Variants in GPATCH8 observed in about 807,000 individuals in gnomAD.
The protein encoded by GPATCH8 is G-patch domain containing 8.
Under a neutral mutation model 118.3 loss-of-function variants are expected in GPATCH8, and 18 were observed. The observed-to-expected ratio is 0.15, with a 90% confidence interval of 0.11 to 0.23. The LOEUF (loss-of-function observed/expected upper bound fraction) is 0.23, where lower values mean the gene tolerates loss of function less well. Among genes scored for constraint, GPATCH8 ranks in the 10% least tolerant of loss-of-function variants. GPATCH8 has a pLI of 1.00. For missense variants in GPATCH8, 1,631 were observed against 1,873.8 expected, an observed-to-expected ratio of 0.87 and a Z score of 2.39; for synonymous variants, 659 against 684.7, an observed-to-expected ratio of 0.96 and a Z score of 0.59.
chr17:44,466,987 C>A (rs948915442), intron 2 of GPATCH8: 8 of 364,732 alleles, frequency 2.2e-5, no homozygotes, highest in African/African-American at 1.4e-4. Context: ...GGAGATGAGA[C>A]ATTATGCTGA....
chr17:44,436,956 AT>A (rs1394982712), intron 3 of GPATCH8, among the ~76,000 whole-genome samples: 2 of 152,124 alleles, frequency 1.3e-5, no homozygotes, highest in Non-Finnish European at 2.9e-5. Flanking sequence ...AAAAAAAAAA[AT>A]CTCAACTGGC....
At chr17:44,410,853 T>C (rs78537589) in intron 6 of GPATCH8, among the ~76,000 whole-genome samples, 1,609 of 152,260 alleles carry the variant, frequency 0.011, 34 homozygotes, top group African/African-American at 0.037. Context: ...TAACAAATGA[T>C]CCAGTACTTG....
At position 44,401,437 on chromosome 17, in the gene GPATCH8, G is replaced by T; in HGVS notation, c.640C>A (p.Pro214Thr). Residue 214 changes from proline to threonine, a missense_variant, in exon 8 of 8, where the codon CCC (proline) becomes ACC (threonine). By Grantham distance (38) the Pro-to-Thr change is conservative. Transcript: ENST00000591680. ...GCCACTGTGGTTGGTTTGAACATGG[G>T]ACCACTTCCAGGTGCACTACATGAT... ...KQAECAPGSG[P>T]MFKPTTVAVD... 1.2e-6 allele frequency: 2 copies of T among 1,607,844 alleles called. No homozygotes were observed. The highest frequency in any genetic ancestry group is 2.2e-5 in the South Asian group (2 of 90,940).
At chr17:44,488,694 T>C (rs1020456541) in intron 1 of GPATCH8, among the ~76,000 whole-genome samples, 18 of 151,958 alleles carry the variant, frequency 1.2e-4, no homozygotes, top group African/African-American at 4.3e-4. Flanking sequence ...TTATAGTTAG[T>C]GTATGGATAC....
chr17:44,476,804 C>T (rs1055604605), intron 1 of GPATCH8, among the ~76,000 whole-genome samples: 1 of 152,132 alleles, frequency 6.6e-6, no homozygotes, highest in African/African-American at 2.4e-5. Context: ...GTCACTGCAA[C>T]TAAAATAAGT....
At chr17:44,436,616 T>G in intron 3 of GPATCH8, 71 bp from the exon 4 acceptor site, 1 of 819,780 alleles carries the variant, frequency 1.2e-6, no homozygotes, top group South Asian at 1.3e-5. Flanking sequence ...CATTGGGTTT[T>G]GGGTGGTTAG....
At chr17:44,487,428 A>G (rs1370638879) in intron 1 of GPATCH8, among the ~76,000 whole-genome samples, 1 of 152,194 alleles carries the variant, frequency 6.6e-6, no homozygotes, top group Admixed American at 6.5e-5. Context: ...ACTGCTGCCA[A>G]GTTTTGGCAA....
intron 5 of GPATCH8, among the ~76,000 whole-genome samples, chr17:44,432,628 GGT>G (rs2050360381): frequency 6.6e-6 from 1 of 152,118 alleles, no homozygotes; most frequent in East Asian, 1.9e-4. Context: ...TGCTGTGAGA[GGT>G]AAACATGAGT....
At position 44,397,114 on chromosome 17, in the gene GPATCH8, C is replaced by T. The variant is rs1598392471; in HGVS notation, c.*454G>A. 1 of 455,552 alleles carries T rather than the reference C, an allele frequency of 2.2e-6. No homozygotes were observed. Among genetic ancestry groups the T allele is most frequent in the Middle Eastern group, 6.9e-4 (1 of 1,450 alleles). 28.2% of individuals were successfully genotyped at this position (455,552 alleles called of 1,614,324 possible). ...GGTGGCACTTCCACCACTAGAACAGCTTGGCCTTCCCTGTGGCGCTGAGAA... is the reference window on the plus strand; with the variant it reads ...GGTGGCACTTCCACCACTAGAACAGTTTGGCCTTCCCTGTGGCGCTGAGAA... On this transcript the variant is annotated 3_prime_UTR_variant, in exon 8 of 8. Transcript: ENST00000591680.
At chr17:44,464,979 T>C (rs1416523481) in intron 2 of GPATCH8, 1 of 173,750 alleles carries the variant, frequency 5.8e-6, no homozygotes, top group East Asian at 1.6e-4. Flanking sequence ...AGTTGTTTTG[T>C]TTATGTGTCA....
intron 6 of GPATCH8, among the ~76,000 whole-genome samples, chr17:44,413,925 G>GAATA (rs1013766948): frequency 6.6e-6 from 1 of 151,874 alleles, no homozygotes; most frequent in African/African-American, 2.4e-5. Context: ...CGGCCAGGCC[G>GAATA]AATAGTCCAA....
At chr17:44,412,961 G>A (rs2049503392) in intron 6 of GPATCH8, among the ~76,000 whole-genome samples, 1 of 152,112 alleles carries the variant, frequency 6.6e-6, no homozygotes, top group Admixed American at 6.5e-5. Context: ...CTCAGTGTTT[G>A]ATGTTCATGG....
chr17:44,420,173 C>A (rs1449827126), intron 6 of GPATCH8, among the ~76,000 whole-genome samples: 1 of 152,006 alleles, frequency 6.6e-6, no homozygotes, highest in East Asian at 1.9e-4. Flanking sequence ...AGTGAACAGG[C>A]AGTCCATGAG....
At chr17:44,429,281 A>G (rs2050205040) in intron 5 of GPATCH8, among the ~76,000 whole-genome samples, 1 of 152,154 alleles carries the variant, frequency 6.6e-6, no homozygotes, top group Non-Finnish European at 1.5e-5. Flanking sequence ...TGTTTAAAAG[A>G]CCCTTCCATG....
chr17:44,404,229 CCAGGCTCAAGTGATTCTTCTACCT>C (rs1161887918), intron 7 of GPATCH8, among the ~76,000 whole-genome samples: 1 of 151,972 alleles, frequency 6.6e-6, no homozygotes, highest in Non-Finnish European at 1.5e-5. Context: ...CCTTGATCTC[CCAGGCTCAAGTGATTCTTCTACCT>C]CAGGCTCCTG....
intron 1 of GPATCH8, among the ~76,000 whole-genome samples, chr17:44,492,721 T>C (rs1969352896): frequency 6.6e-6 from 1 of 152,202 alleles, no homozygotes; most frequent in African/African-American, 2.4e-5. Context: ...TAGCTGATAC[T>C]ACCCTCACCA....
chr17:44,454,410 A>G (rs1022267571), intron 3 of GPATCH8, among the ~76,000 whole-genome samples: 9 of 152,208 alleles, frequency 5.9e-5, no homozygotes, highest in African/African-American at 1.7e-4. Context: ...GGCACATGCC[A>G]CTGGAACTGC....
chr17:44,440,085 A>G (rs1192660314), intron 3 of GPATCH8, among the ~76,000 whole-genome samples: 1 of 152,052 alleles, frequency 6.6e-6, no homozygotes, highest in Non-Finnish European at 1.5e-5. Context: ...CCCGGCCTCA[A>G]CTTCTTTTAA....
At position 44,399,991 on chromosome 17, in the gene GPATCH8, C is replaced by G. The variant is rs138548294; in HGVS notation, c.2086G>C (p.Glu696Gln). Residue 696 changes from glutamate to glutamine, a missense_variant, in exon 8 of 8, where the codon GAA becomes CAA. By Grantham distance (29) the Glu-to-Gln change is conservative. This residue lies in a region of GPATCH8 where 922 missense variants were observed against 879.7 expected (regional missense o/e 1.05). Coordinates refer to ENST00000591680, the MANE Select transcript of GPATCH8 (RefSeq NM_001002909.4). ...GACTCTGCCTTAGAGCTTTTCTCTT[C>G]TGTGTCAGCCTTGTGTTTACGTTTG... ...KHKRKHKADTEEKSSKAESGE... is the reference protein window; with the variant it reads ...KHKRKHKADTQEKSSKAESGE... The G allele has an allele frequency of 2.9e-5, 46 of 1,613,990 alleles. No individual in the cohort carries two copies. The highest frequency in any genetic ancestry group is 3.6e-5 in the Non-Finnish European group (43 of 1,180,022).
Sources: allele counts gnomAD v4.1 joint callset (sites outside exome capture counted in the v4.1 genomes callset), GRCh38; gene constraint gnomAD v4.1.1; regional missense constraint gnomAD v4.1.1; transcripts MANE v1.5; gene names NCBI Gene and HGNC (gene_info 2026-07-23, HGNC 2026-07-21).